The following DEK variants were observed in gnomAD, a reference collection of about 807,000 sequenced individuals.
DEK encodes protein DEK.
DEK carries 28 observed loss-of-function variants against 46.8 expected under a neutral mutation model. The observed-to-expected ratio is 0.60, with a 90% CI of 0.44 to 0.82. DEK has a LOEUF of 0.82. Ranked by LOEUF, DEK falls within the 40% of genes least tolerant of loss-of-function variation. The pLI is 0.00. For synonymous variants in DEK, 160 were observed against 144.5 expected, an observed-to-expected ratio of 1.11 and a Z score of -0.77; for missense variants, 416 against 430.6, an observed-to-expected ratio of 0.97 and a Z score of 0.30.
At chr6:18,233,899 T>C (rs562536702) in intron 9 of DEK, among the ~76,000 whole-genome samples, 4 of 152,266 alleles carry the variant, frequency 2.6e-5, no homozygotes, top group African/African-American at 9.6e-5. Context: ...ATGCACATGT[T>C]ATGTTTATTG....
intron 7 of DEK, among the ~76,000 whole-genome samples, chr6:18,242,743 G>A (rs1198151543): frequency 2.6e-5 from 4 of 152,058 alleles, no homozygotes; most frequent in South Asian, 2.1e-4. Flanking sequence ...AGTAATGTTG[G>A]CAATTCAAAC....
At chr6:18,250,136 T>C (rs1264737359) in intron 6 of DEK, among the ~76,000 whole-genome samples, 1 of 152,212 alleles carries the variant, frequency 6.6e-6, no homozygotes, top group African/African-American at 2.4e-5. Context: ...CCAACGGCTG[T>C]TAATACTTTG....
At position 18,224,870 on chromosome 6, in the gene DEK, TTATATAA is replaced by T. The variant is rs1236495990; in HGVS notation, c.*842_*848del. 3 of 211,086 alleles carry T rather than the reference TTATATAA, an allele frequency of 1.4e-5. No individual in the cohort carries two copies. Among genetic ancestry groups the T allele is most frequent in the African/African-American group, 6.8e-5 (3 of 44,086 alleles). 13.1% of individuals were successfully genotyped at this position (211,086 alleles called of 1,614,324 possible). A position where few individuals can be genotyped will look rare whatever the true frequency, so the allele number is the denominator to read the frequency against. On this transcript the variant is annotated 3_prime_UTR_variant, in exon 11 of 11. Transcript: ENST00000652689. Reference sequence around the variant, plus strand: ...TGATAGGTTGATTTTTGGTCTGTCCTTATATAATATAAAACGTACCTACAGACACTTT... The same window carrying T: ...TGATAGGTTGATTTTTGGTCTGTCCTTATAAAACGTACCTACAGACACTTT...
intron 7 of DEK, among the ~76,000 whole-genome samples, chr6:18,243,578 C>A (rs1018510959): frequency 6.6e-6 from 1 of 152,168 alleles, no homozygotes; most frequent in Non-Finnish European, 1.5e-5. Flanking sequence ...TTTGTTCACA[C>A]GTACAACTTT....
At chr6:18,255,557 G>A (rs1212778276) in intron 6 of DEK, among the ~76,000 whole-genome samples, 174 bp downstream of exon 6, 2 of 152,138 alleles carry the variant, frequency 1.3e-5, no homozygotes, top group African/African-American at 4.8e-5. Context: ...ATACCCCTAT[G>A]GCATCTATAT....
intron 6 of DEK, among the ~76,000 whole-genome samples, chr6:18,250,082 G>A (rs757918964): frequency 3.3e-5 from 5 of 152,128 alleles, no homozygotes; most frequent in South Asian, 2.1e-4. Flanking sequence ...TGTATTCTAG[G>A]TTCTGACATG....
chr6:18,236,725 A>G, intron 8 of DEK, 125 bp from the exon 9 acceptor site: 1 of 612,482 alleles, frequency 1.6e-6, no homozygotes, highest in Non-Finnish European at 2.5e-6. Flanking sequence ...ATTATAAATC[A>G]CTACTCTACA....
Position 18,236,563 on chromosome 6 carries a change from T to C in DEK, c.936A>G (p.Leu312=). The change falls in exon 9 of 11, where the codon TTA becomes TTG. Residue 312 remains leucine, a synonymous_variant. Coordinates refer to ENST00000652689, the MANE Select transcript of DEK (RefSeq NM_003472.4). ...TAGGGGGTTTCTTCAACTTTTTAATTAAAGGTTCATCATCTGAACTATCCT... is the reference window on the plus strand; with the variant it reads ...TAGGGGGTTTCTTCAACTTTTTAATCAAAGGTTCATCATCTGAACTATCCT... ...ESEDSSDDEP[L]IKKLKKPPTD... 1 of 1,582,620 alleles carries C rather than the reference T, an allele frequency of 6.3e-7. No individual in the cohort carries two copies. Among genetic ancestry groups the C allele is most frequent in the South Asian group, 1.2e-5 (1 of 84,648 alleles).
intron 9 of DEK, among the ~76,000 whole-genome samples, chr6:18,229,377 C>A (rs184489202): frequency 3.3e-5 from 5 of 152,172 alleles, no homozygotes; most frequent in Non-Finnish European, 4.4e-5. Flanking sequence ...CAAAGCTGGA[C>A]GGAGAATGAC....
At chr6:18,259,421 A>T (rs936539052) in intron 2 of DEK, among the ~76,000 whole-genome samples, 1 of 148,476 alleles carries the variant, frequency 6.7e-6, no homozygotes, top group Non-Finnish European at 1.5e-5. Context: ...AAAAAAAAAA[A>T]AAAAAAAAAA....
chr6:18,252,577 C>A (rs1242311134), intron 6 of DEK, among the ~76,000 whole-genome samples: 2 of 136,554 alleles, frequency 1.5e-5, no homozygotes, highest in African/African-American at 5.5e-5. Context: ...AAGGAGTAAT[C>A]ATCACAGAAT....
At position 18,249,788 on chromosome 6, in the gene DEK, T is replaced by C. The variant is rs1791286778; in HGVS notation, c.625A>G (p.Asn209Asp). 2.5e-6 allele frequency: 4 copies of C among 1,605,650 alleles called. No homozygotes were observed. In the East Asian group the frequency reaches 8.9e-5, roughly 36 times the overall value. ...GCCTTCCTTGCCATTCCAGAACTGT[T>C]CCGTTCCTTTTTACTGCCTTTGCTA... ...TCSKGSKKERNSSGMARKAKR... is the reference protein window; with the variant it reads ...TCSKGSKKERDSSGMARKAKR... The change falls in exon 7 of 11, where the codon AAC (asparagine) becomes GAC (aspartate). Residue 209 changes from asparagine to aspartate, a missense_variant. Coordinates refer to ENST00000652689, the MANE Select transcript of DEK (RefSeq NM_003472.4).
intron 7 of DEK, among the ~76,000 whole-genome samples, chr6:18,238,030 G>A (rs6941406): frequency 0.16 from 24,705 of 151,490 alleles, 2,399 homozygotes; most frequent in East Asian, 0.25. Context: ...CACCACACCC[G>A]GCTAATTTTT....
Position 18,236,607 on chromosome 6 carries a change from G to C in DEK, c.899-7C>G. On this transcript the variant is annotated splice_region_variant and splice_polypyrimidine_tract_variant and intron_variant, in intron 8 of 10. Coordinates refer to ENST00000652689, the MANE Select transcript of DEK (RefSeq NM_003472.4). Reference sequence around the variant, plus strand: ...CTATCCTCAGACTCACTTTCTAAAAGTAATATAATAATAATAATTTTTCTT... The same window carrying C: ...CTATCCTCAGACTCACTTTCTAAAACTAATATAATAATAATAATTTTTCTT... 1 of 1,438,040 alleles carries C rather than the reference G, an allele frequency of 7.0e-7. No individual in the cohort carries two copies. The allele number at this position is 1,438,040 out of a possible 1,614,324, so 89.1% of individuals were successfully genotyped here.
rs948477263 is a variant in DEK at position 18,225,229 on chromosome 6, T to C, written c.*490A>G. 1 of 229,174 alleles carries C rather than the reference T, an allele frequency of 4.4e-6. No individual in the cohort carries two copies. The highest frequency in any genetic ancestry group is 8.6e-6 in the Non-Finnish European group (1 of 115,652). The allele number at this position is 229,174 out of a possible 1,614,324, so 14.2% of individuals were successfully genotyped here. On this transcript the variant is annotated 3_prime_UTR_variant, in exon 11 of 11. Coordinates refer to ENST00000652689, the MANE Select transcript of DEK (RefSeq NM_003472.4). ...GTTCCAATTCAGTGATCTGGACAAC[T>C]GTAGCTTGTATATTTTTAATATGAT... is the stretch of plus-strand genomic sequence containing the variant.
rs986400672 is a variant in DEK at position 18,225,596 on chromosome 6, G to A, written c.*123C>T. On this transcript the variant is annotated 3_prime_UTR_variant, in exon 11 of 11. Coordinates refer to ENST00000652689, the MANE Select transcript of DEK (RefSeq NM_003472.4). The stretch of plus-strand genomic sequence containing the variant: ...AACACTCAAGATAAAAAGGTCAGCA[G>A]TAAGTTCTACTAACGTTGCTTAACA... 1.2e-5 allele frequency: 13 copies of A among 1,073,212 alleles called. No homozygotes were observed. The East Asian group carries it at 1.3e-4, about 11-fold the overall frequency. 66.5% of individuals were successfully genotyped at this position (1,073,212 alleles called of 1,614,324 possible). A position where few individuals can be genotyped will look rare whatever the true frequency, so the allele number is the denominator to read the frequency against.
Position 18,259,888 on chromosome 6 carries a change from G to A in DEK, c.146-1483C>T, listed in dbSNP as rs78135746. Among the ~76,000 whole-genome samples, 1,028 of 152,264 alleles carry A rather than the reference G, an allele frequency of 6.8e-3. 5 individuals carry two copies. Among genetic ancestry groups the A allele is most frequent in the Middle Eastern group, 0.02 (6 of 294 alleles). On this transcript the variant is annotated intron_variant, in intron 2 of 10. Coordinates refer to ENST00000652689, the MANE Select transcript of DEK (RefSeq NM_003472.4). ...TCAACAGGTATATTCTGGCCATGTT[G>A]TACAGAATGAAGACCAAACACACTA...
At chr6:18,237,173 CTG>C (rs1386990899) in intron 8 of DEK, 3 of 429,826 alleles carry the variant, frequency 7.0e-6, no homozygotes, top group African/African-American at 4.3e-5. Flanking sequence ...ATCTCTCTCT[CTG>C]TCTCTCTCTC....
chr6:18,236,227 C>CT (rs376720709), intron 9 of DEK, among the ~76,000 whole-genome samples: 19 of 152,296 alleles, frequency 1.2e-4, no homozygotes, highest in African/African-American at 4.1e-4. Context: ...TTTATTCACT[C>CT]TAACTTTATT....
Sources: allele counts gnomAD v4.1 joint callset (sites outside exome capture counted in the v4.1 genomes callset), GRCh38; gene constraint gnomAD v4.1.1; transcripts MANE v1.5; gene names NCBI Gene and HGNC (gene_info 2026-07-23, HGNC 2026-07-21).